Variants in PEX14 observed in about 807,000 individuals in gnomAD.
The protein encoded by PEX14 is peroxisomal biogenesis factor 14, also known as peroxisomal membrane protein PEX14.
PEX14 carries 15 observed loss-of-function variants against 49.5 expected under a neutral mutation model. The observed-to-expected ratio is 0.30, with a 90% CI of 0.20 to 0.47. The LOEUF (loss-of-function observed/expected upper bound fraction) is 0.47. Among genes scored for constraint, PEX14 ranks in the 20% least tolerant of loss-of-function variants. PEX14 has a pLI of 1.00. For missense variants in PEX14, 398 were observed against 494.8 expected, an observed-to-expected ratio of 0.80 and a Z score of 1.86; for synonymous variants, 210 against 212.7, an observed-to-expected ratio of 0.99 and a Z score of 0.11.
intron 1 of PEX14, among the ~76,000 whole-genome samples, chr1:10,491,246 A>G (rs1641466814): frequency 6.6e-6 from 1 of 152,052 alleles, no homozygotes; most frequent in Non-Finnish European, 1.5e-5. Flanking sequence ...TAAAAAAATA[A>G]AAAAAAGGCC....
intron 3 of PEX14, among the ~76,000 whole-genome samples, chr1:10,564,966 C>T (rs1427569103): frequency 2.8e-5 from 4 of 145,242 alleles, no homozygotes; most frequent in South Asian, 2.2e-4. Context: ...TGCAGTGGCA[C>T]GATCTCAGCT....
rs1050189658 is a variant in PEX14 at position 10,623,338 on chromosome 1, C to T, written c.487+217C>T. On this transcript the variant is annotated intron_variant, in intron 6 of 8. Coordinates refer to ENST00000356607, the MANE Select transcript of PEX14 (RefSeq NM_004565.3). The surrounding 1 kb of genome is among the most constrained non-coding windows in gnomAD (Gnocchi z 4.4). ...GCGGCCTCAATTAATTATGTTTTTA[C>T]GGAAAGGCTCCCAACCTCAGAATAT... 8 of 521,060 alleles carry T rather than the reference C, an allele frequency of 1.5e-5. No homozygotes were observed. The highest frequency in any genetic ancestry group is 3.5e-5 in the East Asian group (1 of 28,246). 32.3% of individuals were successfully genotyped at this position (521,060 alleles called of 1,614,324 possible).
At chr1:10,614,823 C>T (rs17035459) in intron 4 of PEX14, among the ~76,000 whole-genome samples, 55 of 152,288 alleles carry the variant, frequency 3.6e-4, no homozygotes, top group African/African-American at 1.2e-3. Flanking sequence ...AGCGGGGTGG[C>T]CAGGTTGCTC....
rs1570149698 is a variant in PEX14, at chr1:10,495,220, G to C, written c.37-54G>C. 8.8e-6 allele frequency: 14 copies of C among 1,587,926 alleles called. No homozygotes were observed. Among genetic ancestry groups the C allele is most frequent in the African/African-American group, 1.3e-5 (1 of 74,402 alleles). ...GAGAACGGAACATCTTTGGTTTTTT[G>C]ATGTCCATTGGGTGGCACTGTGATC... On this transcript the variant is annotated intron_variant, in intron 1 of 8. Transcript: ENST00000356607. This position sits in a 1 kb window ranked among gnomAD's most constrained non-coding sequence, Gnocchi z 4.2.
At chr1:10,476,687 C>T (rs1191537953) in intron 1 of PEX14, among the ~76,000 whole-genome samples, 1 of 152,032 alleles carries the variant, frequency 6.6e-6, no homozygotes, top group Non-Finnish European at 1.5e-5. Flanking sequence ...CGATAGGTTT[C>T]ACCATGTTGG....
At chr1:10,608,868 GAGTACT>G (rs1641199093) in intron 4 of PEX14, among the ~76,000 whole-genome samples, 4 of 152,164 alleles carry the variant, frequency 2.6e-5, no homozygotes, top group African/African-American at 9.6e-5. Flanking sequence ...ATCAGCTTTA[GAGTACT>G]TCACCTCCCC....
chr1:10,573,690 G>A (rs796417513), intron 3 of PEX14, among the ~76,000 whole-genome samples: 14 of 152,300 alleles, frequency 9.2e-5, no homozygotes, highest in African/African-American at 3.4e-4. Context: ...TTCTACTCAA[G>A]TTAAGTACAT....
In PEX14 at chr1:10,495,367, C is replaced by T. The variant is rs764748902; in HGVS notation, c.84+46C>T. 5 of 1,475,672 alleles carry T rather than the reference C, an allele frequency of 3.4e-6. No individual in the cohort carries two copies. In the Admixed American group the frequency reaches 8.6e-5, roughly 25 times the overall value. The allele number at this position is 1,475,672 out of a possible 1,614,324, so 91.4% of individuals were successfully genotyped here. On this transcript the variant is annotated intron_variant, in intron 2 of 8. Transcript: ENST00000356607. The surrounding 1 kb of genome is among the most constrained non-coding windows in gnomAD (Gnocchi z 4.2). ...GTATCACTTTCTAGTAATTAAAATG[C>T]CACGCGAGTGAAAAGAAACCTTCTG...
intron 2 of PEX14, among the ~76,000 whole-genome samples, chr1:10,505,401 T>C (rs1641764306): frequency 6.6e-6 from 1 of 152,160 alleles, no homozygotes; most frequent in Admixed American, 6.5e-5. Context: ...ACCCAGGAGA[T>C]TGTGATTACA....
intron 3 of PEX14, among the ~76,000 whole-genome samples, chr1:10,548,200 G>C (rs10436982): frequency 0.058 from 8,878 of 152,238 alleles, 628 homozygotes; most frequent in African/African-American, 0.16. Context: ...CTGGGTGACA[G>C]AGTGAGACTC....
intron 3 of PEX14, among the ~76,000 whole-genome samples, chr1:10,591,142 C>A (rs767923402): frequency 6.6e-6 from 1 of 152,100 alleles, no homozygotes; most frequent in Non-Finnish European, 1.5e-5. Flanking sequence ...TGTTTTGTTG[C>A]AATGATGGAA....
intron 3 of PEX14, among the ~76,000 whole-genome samples, chr1:10,546,545 C>T (rs1639177179): frequency 8.6e-6 from 1 of 115,934 alleles, no homozygotes; most frequent in Admixed American, 1.1e-4. Context: ...GCCTGGGTGA[C>T]AGAGCGAGAC....
chr1:10,547,536 G>GT (rs1639212390), intron 3 of PEX14, among the ~76,000 whole-genome samples: 1 of 152,138 alleles, frequency 6.6e-6, no homozygotes, highest in Non-Finnish European at 1.5e-5. Flanking sequence ...ACCGAACTCT[G>GT]TATGTACTAT....
At chr1:10,620,563 G>A (rs1353047718) in intron 5 of PEX14, among the ~76,000 whole-genome samples, 2 of 151,848 alleles carry the variant, frequency 1.3e-5, no homozygotes, top group African/African-American at 2.4e-5. Flanking sequence ...TGAGGTGGGC[G>A]GATCACTTGA....
At chr1:10,546,766 G>A (rs902367189) in intron 3 of PEX14, among the ~76,000 whole-genome samples, 1 of 149,866 alleles carries the variant, frequency 6.7e-6, no homozygotes, top group African/African-American at 2.5e-5. Context: ...CTGCTCAGGA[G>A]GCTGAGGCAG....
At chr1:10,605,834 T>G (rs1249756308) in intron 4 of PEX14, among the ~76,000 whole-genome samples, 2 of 152,218 alleles carry the variant, frequency 1.3e-5, no homozygotes, top group African/African-American at 4.8e-5. Context: ...TTGAGGAAAT[T>G]GTGTTTTCTT....
At chr1:10,481,004 T>G (rs780313486) in intron 1 of PEX14, among the ~76,000 whole-genome samples, 14 of 152,054 alleles carry the variant, frequency 9.2e-5, no homozygotes, top group Non-Finnish European at 1.8e-4. Context: ...ACAAGAAATT[T>G]AAGTGTTGAT....
At chr1:10,526,038 C>T (rs184593691) in intron 2 of PEX14, among the ~76,000 whole-genome samples, 77 of 151,506 alleles carry the variant, frequency 5.1e-4, no homozygotes, top group African/African-American at 1.8e-3. Context: ...TCTCCTACCT[C>T]GACCTCCCTA....
intron 2 of PEX14, among the ~76,000 whole-genome samples, chr1:10,523,239 G>A (rs898440070): frequency 1.5e-4 from 23 of 152,086 alleles, no homozygotes; most frequent in Non-Finnish European, 2.1e-4. Flanking sequence ...AGATAACTAA[G>A]CTTGTATATA....
Sources: allele counts gnomAD v4.1 joint callset (sites outside exome capture counted in the v4.1 genomes callset), GRCh38; gene constraint gnomAD v4.1.1; non-coding constraint Gnocchi (gnomAD v3.1); transcripts MANE v1.5; gene names NCBI Gene and HGNC (gene_info 2026-07-23, HGNC 2026-07-21).